Variants in RGS6 observed in about 807,000 individuals in gnomAD.
The protein encoded by RGS6 is regulator of G-protein signaling 6.
A neutral mutation model predicts 78.5 loss-of-function variants in RGS6; 30 were observed. The observed-to-expected ratio is 0.38, with a 90% CI of 0.29 to 0.52. The LOEUF (loss-of-function observed/expected upper bound fraction) is 0.52, where lower values mean the gene tolerates loss of function less well. Among genes scored for constraint, RGS6 ranks in the 20% least tolerant of loss-of-function variants. RGS6 has a pLI of 0.85. For missense variants in RGS6, 495 were observed against 609.7 expected (o/e 0.81, Z 1.98); for synonymous variants, 206 against 206.0 (o/e 1.00, Z 0.00).
chr14:72,197,130 A>G (rs1307290570), intron 2 of RGS6, among the ~76,000 whole-genome samples: 2 of 152,164 alleles, frequency 1.3e-5, no homozygotes, highest in African/African-American at 4.8e-5. Context: ...CAGTGGCACA[A>G]TCTTGGCTCA....
intron 2 of RGS6, among the ~76,000 whole-genome samples, chr14:72,095,768 A>T (rs1310204066): frequency 6.6e-6 from 1 of 152,246 alleles, no homozygotes; most frequent in Non-Finnish European, 1.5e-5. Flanking sequence ...AATGAATGTC[A>T]TCACCATGAA....
At chr14:71,867,409 T>C in the RGS6 span, among the ~76,000 whole-genome samples, 85,644 of 147,928 alleles carry the variant, frequency 0.58, 25,194 homozygotes, top group Admixed American at 0.67. Context: ...ATCCCAGTAC[T>C]CCTTGCAGCC....
chr14:72,394,741 T>A (rs1168120694), intron 3 of RGS6, among the ~76,000 whole-genome samples: 1 of 152,168 alleles, frequency 6.6e-6, no homozygotes, highest in Non-Finnish European at 1.5e-5. Context: ...ACGCAATCAT[T>A]ACAGGGTCCT....
chr14:72,341,186 A>G (rs532334397), intron 2 of RGS6, among the ~76,000 whole-genome samples: 26 of 117,462 alleles, frequency 2.2e-4, no homozygotes, highest in Non-Finnish European at 3.6e-4. Context: ...GCCTCAGGAA[A>G]CTTACAGTCA....
At chr14:72,052,991 C>T (rs4048386) in intron 2 of RGS6, among the ~76,000 whole-genome samples, 4,701 of 50,334 alleles carry the variant, frequency 0.093, 179 homozygotes, top group Non-Finnish European at 0.13. Flanking sequence ...CTTTCTCTCT[C>T]TCTCTCTCTC....
At chr14:72,435,905 T>C (rs2094887629) in intron 3 of RGS6, among the ~76,000 whole-genome samples, 1 of 152,168 alleles carries the variant, frequency 6.6e-6, no homozygotes. Flanking sequence ...CCTTTTGCCA[T>C]GTAAGGTATC....
the RGS6 span, among the ~76,000 whole-genome samples, chr14:72,587,622 G>T: frequency 6.6e-6 from 1 of 152,080 alleles, no homozygotes; most frequent in Non-Finnish European, 1.5e-5. Context: ...CAACCTCAGG[G>T]GTAGTAGGAG....
At chr14:72,529,730 T>C (rs2097159619) in intron 15 of RGS6, among the ~76,000 whole-genome samples, 1 of 152,218 alleles carries the variant, frequency 6.6e-6, no homozygotes, top group Non-Finnish European at 1.5e-5. Context: ...GATGAGGATC[T>C]TTCTGGTTGA....
intron 2 of RGS6, among the ~76,000 whole-genome samples, chr14:72,053,339 C>T (rs1459187262): frequency 6.6e-6 from 1 of 151,586 alleles, no homozygotes; most frequent in Non-Finnish European, 1.5e-5. Flanking sequence ...AGGCTGGTCT[C>T]GATCTCTTGA....
chr14:72,318,626 A>G (rs981385629), intron 2 of RGS6, among the ~76,000 whole-genome samples: 10 of 152,220 alleles, frequency 6.6e-5, no homozygotes, highest in Admixed American at 2.6e-4. Flanking sequence ...GGGCTAAGAG[A>G]CAATCACTAT....
At chr14:72,454,266 C>T (rs1240095265) in intron 3 of RGS6, among the ~76,000 whole-genome samples, 4 of 152,124 alleles carry the variant, frequency 2.6e-5, no homozygotes, top group Non-Finnish European at 4.4e-5. Context: ...GGGAAGTCCT[C>T]TATAGACACT....
intron 2 of RGS6, among the ~76,000 whole-genome samples, chr14:72,249,186 C>T (rs1341957498): frequency 2.0e-5 from 3 of 152,042 alleles, no homozygotes; most frequent in Non-Finnish European, 4.4e-5. Flanking sequence ...TTGTCTTAGT[C>T]TTCAGGCTTA....
intron 3 of RGS6, among the ~76,000 whole-genome samples, chr14:72,370,304 C>T (rs1430452549): frequency 6.6e-6 from 1 of 152,160 alleles, no homozygotes; most frequent in Non-Finnish European, 1.5e-5. Flanking sequence ...TCCAAGAGAG[C>T]ACCTGTCAGA....
intron 2 of RGS6, among the ~76,000 whole-genome samples, chr14:72,096,591 G>A (rs2095412984): frequency 1.3e-5 from 2 of 152,120 alleles, no homozygotes; most frequent in African/African-American, 2.4e-5. Context: ...GGTTGACTGA[G>A]CTCAGCCGGG....
intron 3 of RGS6, among the ~76,000 whole-genome samples, chr14:72,365,666 G>A (rs1398668679): frequency 1.3e-5 from 2 of 152,118 alleles, no homozygotes; most frequent in South Asian, 2.1e-4. Flanking sequence ...CTCATCAAAT[G>A]TTTCTCTTCT....
intron 2 of RGS6, among the ~76,000 whole-genome samples, chr14:72,000,206 C>T (rs192688187): frequency 2.6e-5 from 4 of 152,264 alleles, no homozygotes; most frequent in East Asian, 1.9e-4. Flanking sequence ...AGCAAGAATT[C>T]GCTCAGGCGG....
intron 2 of RGS6, among the ~76,000 whole-genome samples, chr14:72,309,575 C>T (rs75490618): frequency 0.01 from 1,563 of 152,330 alleles, 36 homozygotes; most frequent in African/African-American, 0.036. Context: ...CTTTCCTTTA[C>T]CTAATCCTCA....
the RGS6 span, among the ~76,000 whole-genome samples, chr14:71,868,724 T>C: frequency 6.6e-6 from 1 of 152,184 alleles, no homozygotes; most frequent in South Asian, 2.1e-4. Context: ...AGTGGACATT[T>C]TCTCAAGGAC....
At chr14:72,373,046 G>A (rs1430541012) in intron 3 of RGS6, among the ~76,000 whole-genome samples, 1 of 152,124 alleles carries the variant, frequency 6.6e-6, no homozygotes. Flanking sequence ...AGGGTCAAGG[G>A]AGCATCATCA....
Sources: gnomAD v4.1 joint callset for allele counts (sites outside exome capture counted in the v4.1 genomes callset) on GRCh38, gnomAD v4.1.1 for gene constraint, MANE v1.5 for transcripts, NCBI Gene and HGNC (gene_info 2026-07-23, HGNC 2026-07-21) for gene names.